AXL: variants seen among roughly 807,000 people sequenced by gnomAD.
The protein encoded by AXL is tyrosine-protein kinase receptor UFO.
Under a neutral mutation model 104.5 loss-of-function variants are expected in AXL, and 52 were observed. The observed-to-expected ratio is 0.50, with a 90% CI of 0.40 to 0.63. The LOEUF is 0.63. Among genes scored for constraint, AXL ranks in the 20% least tolerant of loss-of-function variants. The pLI is 0.00. For missense variants in AXL, 1,024 were observed against 1,188.5 expected (o/e 0.86, Z 2.04); for synonymous variants, 455 against 473.7 (o/e 0.96, Z 0.51).
chr19:41,240,975 T>C (rs2034171796), intron 10 of AXL, among the ~76,000 whole-genome samples: 1 of 152,062 alleles, frequency 6.6e-6, no homozygotes, highest in African/African-American at 2.4e-5. Flanking sequence ...CTTTATTTCT[T>C]ACACACTCCA....
intron 17 of AXL, among the ~76,000 whole-genome samples, chr19:41,255,993 C>T (rs1311618745): frequency 3.3e-5 from 5 of 152,214 alleles, no homozygotes; most frequent in African/African-American, 1.2e-4. Flanking sequence ...GATCCACCTG[C>T]CTTGGCCTCC....
At position 41,256,755 on chromosome 19, in the gene AXL, T is replaced by C; in HGVS notation, c.2196+144T>C. The C allele has an allele frequency of 3.5e-6, 4 of 1,137,270 alleles. No homozygotes were observed. In the South Asian group the frequency reaches 4.5e-5, roughly 13 times the overall value. 70.4% of individuals were successfully genotyped at this position (1,137,270 alleles called of 1,614,324 possible). A position where few individuals can be genotyped will look rare whatever the true frequency, so the allele number is the denominator to read the frequency against. ...GGGGCTTGTCCACATGGGCTGGGCA[T>C]GTCTTGGGGTATGGTGGGCATCTCT... On this transcript the variant is annotated intron_variant, in intron 18 of 19. Transcript: ENST00000301178.
intron 17 of AXL, among the ~76,000 whole-genome samples, chr19:41,255,586 T>C (rs1226231700): frequency 1.3e-5 from 2 of 151,994 alleles, no homozygotes; most frequent in African/African-American, 4.8e-5. Flanking sequence ...ACTACAGACA[T>C]GTGCCACCAT....
rs200271277 is a variant in AXL, at chr19:41,257,596, G to T, written c.2300G>T (p.Arg767Leu). Residue 767 changes from arginine to leucine, a missense_variant, in exon 19 of 20, where the codon CGC becomes CTC. Physicochemically the swap from Arg to Leu is moderately radical, Grantham distance 102. This residue lies in a region of AXL where 523 missense variants were observed against 636.0 expected (regional missense o/e 0.82). Transcript: ENST00000301178. ...EIYDYLRQGN[R>L]LKQPADCLDG... The stretch of plus-strand genomic sequence containing the variant: ...TATGACTATCTGCGCCAGGGAAATC[G>T]CCTGAAGCAGCCTGCGGACTGTCTG... 10 of 1,614,118 alleles carry T rather than the reference G, an allele frequency of 6.2e-6. No homozygotes were observed. Among genetic ancestry groups the T allele is most frequent in the Non-Finnish European group, 8.5e-6 (10 of 1,180,012 alleles).
intron 4 of AXL, among the ~76,000 whole-genome samples, chr19:41,229,737 A>T (rs2033943314): frequency 6.6e-6 from 1 of 152,186 alleles, no homozygotes; most frequent in African/African-American, 2.4e-5. Context: ...TGTGTTCCAG[A>T]GACACTGGAG....
At chr19:41,224,953 C>G (rs78900463) in intron 4 of AXL, among the ~76,000 whole-genome samples, 5 of 152,164 alleles carry the variant, frequency 3.3e-5, no homozygotes, top group Non-Finnish European at 7.3e-5. Flanking sequence ...TGTCTCCATC[C>G]TTGTGTGTCT....
chr19:41,254,942 A>G (rs1254236261), intron 17 of AXL, among the ~76,000 whole-genome samples: 3 of 152,222 alleles, frequency 2.0e-5, no homozygotes, highest in African/African-American at 7.2e-5. Context: ...TTTTACATAC[A>G]CTAAAATATA....
intron 14 of AXL, 148 bp downstream of exon 14, chr19:41,248,968 T>G: frequency 1.3e-6 from 1 of 785,270 alleles, no homozygotes; most frequent in Non-Finnish European, 2.0e-6. Context: ...TAGAAGGAAT[T>G]GAATATGGGG....
chr19:41,236,021 A>G (rs2034072463), intron 6 of AXL, among the ~76,000 whole-genome samples: 1 of 150,620 alleles, frequency 6.6e-6, no homozygotes, highest in Admixed American at 6.6e-5. Context: ...ACATGGTGAA[A>G]CCCTTTCTCT....
At chr19:41,220,263 T>C in intron 1 of AXL, 1 of 207,440 alleles carries the variant, frequency 4.8e-6, no homozygotes, top group Non-Finnish European at 9.7e-6. Flanking sequence ...ACCACCCTTA[T>C]CTCTCTCCCC....
At chr19:41,254,376 C>CAA (rs34633761) in intron 17 of AXL, among the ~76,000 whole-genome samples, 9 of 81,154 alleles carry the variant, frequency 1.1e-4, no homozygotes, top group African/African-American at 2.9e-4. Flanking sequence ...GACTCTGTCT[C>CAA]AAAAAAAAAA....
chr19:41,254,174 G>A (rs889768808), intron 17 of AXL, among the ~76,000 whole-genome samples: 1 of 151,244 alleles, frequency 6.6e-6, no homozygotes, highest in South Asian at 2.1e-4. Context: ...AGTCCGAGGC[G>A]GGTGGATCAC....
At position 41,238,321 on chromosome 19, in the gene AXL, C is replaced by A. The variant is rs117664018; in HGVS notation, c.995-149C>A. On this transcript the variant is annotated intron_variant, in intron 7 of 19. Coordinates refer to ENST00000301178, the MANE Select transcript of AXL (RefSeq NM_021913.5). Reference sequence around the variant, plus strand: ...CACTGCCCGCTGGCCTCTCTCCCAGCCCTTCTCTCCCCTGTGCTTCCTCTC... The same window carrying A: ...CACTGCCCGCTGGCCTCTCTCCCAGACCTTCTCTCCCCTGTGCTTCCTCTC... 7,088 of 1,452,970 alleles carry A rather than the reference C, an allele frequency of 4.9e-3. 30 individuals carry two copies. The highest frequency in any genetic ancestry group is 6.2e-3 in the Non-Finnish European group (6,564 of 1,060,530). 90.0% of individuals were successfully genotyped at this position (1,452,970 alleles called of 1,614,324 possible). A position where few individuals can be genotyped will look rare whatever the true frequency, so the allele number is the denominator to read the frequency against.
At chr19:41,221,049 G>A (rs2033781934) in intron 2 of AXL, 97 bp from the exon 3 acceptor site, 20 of 1,272,010 alleles carry the variant, frequency 1.6e-5, no homozygotes, top group Non-Finnish European at 2.2e-5. Context: ...GTTGTCATGA[G>A]CTTCCAGACT....
chr19:41,242,282 G>A (rs150114819), intron 10 of AXL, among the ~76,000 whole-genome samples: 138 of 144,922 alleles, frequency 9.5e-4, no homozygotes, highest in African/African-American at 3.4e-3. Flanking sequence ...TTAAAAGTCT[G>A]ATGCTCTACC....
chr19:41,236,496 A>C (rs755681791), intron 6 of AXL, among the ~76,000 whole-genome samples: 13 of 151,180 alleles, frequency 8.6e-5, no homozygotes, highest in Non-Finnish European at 1.8e-4. Context: ...AATGAGACTC[A>C]TAGGCCGGGC....
chr19:41,231,112 G>C (rs79266409), intron 5 of AXL, 65 bp downstream of exon 5: 13 of 1,610,986 alleles, frequency 8.1e-6, no homozygotes, highest in African/African-American at 2.7e-5. Flanking sequence ...GGGTCAGAGT[G>C]GGGGCAGAGA....
chr19:41,255,806 G>A (rs765410290), intron 17 of AXL, among the ~76,000 whole-genome samples: 29 of 152,042 alleles, frequency 1.9e-4, no homozygotes, highest in Non-Finnish European at 2.1e-4. Context: ...GTGCAGTGGC[G>A]TGATCTCAGC....
intron 6 of AXL, among the ~76,000 whole-genome samples, chr19:41,232,683 G>T (rs1012501459): frequency 6.6e-6 from 1 of 151,852 alleles, no homozygotes; most frequent in Non-Finnish European, 1.5e-5. Flanking sequence ...AAAACTCACA[G>T]ATCTGTAAAT....
Sources: gnomAD v4.1 joint callset for allele counts (sites outside exome capture counted in the v4.1 genomes callset) on GRCh38, gnomAD v4.1.1 for gene constraint, gnomAD v4.1.1 regional missense constraint, MANE v1.5 for transcripts, NCBI Gene and HGNC (gene_info 2026-07-23, HGNC 2026-07-21) for gene names.